Variants in CTIF observed in about 807,000 individuals in gnomAD.
CTIF encodes CBP80/20-dependent translation initiation factor.
CTIF carries 21 observed loss-of-function variants against 66.0 expected under a neutral mutation model. That is an observed-to-expected ratio of 0.32 (90% CI 0.23 to 0.46). CTIF has a LOEUF of 0.46. Among genes scored for constraint, CTIF ranks in the 20% least tolerant of loss-of-function variants. The pLI is 1.00. For synonymous variants in CTIF, 345 were observed against 326.4 expected (o/e 1.06, Z -0.62); for missense variants, 739 against 812.7 (o/e 0.91, Z 1.10).
chr18:48,588,872 T>C (rs2089828586), intron 1 of CTIF, among the ~76,000 whole-genome samples: 1 of 152,190 alleles, frequency 6.6e-6, no homozygotes, highest in Admixed American at 6.5e-5. Context: ...GGTCAGACTT[T>C]TCCCTCTGAT....
intron 6 of CTIF, among the ~76,000 whole-genome samples, chr18:48,694,766 C>A (rs1183879076): frequency 6.6e-6 from 1 of 152,232 alleles, no homozygotes; most frequent in African/African-American, 2.4e-5. Context: ...AATGGTACAA[C>A]CAGTCTCCTT....
chr18:48,800,179 C>A (rs1448160435), intron 9 of CTIF, among the ~76,000 whole-genome samples: 1 of 152,216 alleles, frequency 6.6e-6, no homozygotes, highest in Non-Finnish European at 1.5e-5. Context: ...TTCTTCCCCA[C>A]TCTACCAGTA....
At chr18:48,548,542 G>A (rs1172454999) in intron 1 of CTIF, among the ~76,000 whole-genome samples, 3 of 152,200 alleles carry the variant, frequency 2.0e-5, no homozygotes, top group Non-Finnish European at 4.4e-5. Context: ...CACATATTCA[G>A]CAGATTGGGT....
intron 1 of CTIF, among the ~76,000 whole-genome samples, chr18:48,558,131 C>T (rs2089065593): frequency 6.6e-6 from 1 of 152,024 alleles, no homozygotes; most frequent in Non-Finnish European, 1.5e-5. Flanking sequence ...CTTTCTGTGC[C>T]TTAAGGAATG....
At chr18:48,661,029 G>A (rs769435261) in intron 3 of CTIF, among the ~76,000 whole-genome samples, 11 of 152,206 alleles carry the variant, frequency 7.2e-5, no homozygotes, top group Non-Finnish European at 1.5e-4. Context: ...CAGTAGGGTC[G>A]TGCTTCCTCC....
intron 7 of CTIF, among the ~76,000 whole-genome samples, chr18:48,717,484 C>A (rs1251069189): frequency 6.6e-6 from 1 of 151,892 alleles, no homozygotes; most frequent in Non-Finnish European, 1.5e-5. Context: ...CCTCTGCCAA[C>A]GTGAACCCAG....
At position 48,857,916 on chromosome 18, in the gene CTIF, C is replaced by T. The variant is rs565376414; in HGVS notation, c.1581+275C>T. Among the ~76,000 whole-genome samples the T allele has an allele frequency of 3.9e-5, 6 of 152,316 alleles. No homozygotes were observed. The East Asian group carries it at 9.6e-4, about 24-fold the overall frequency. The stretch of plus-strand genomic sequence containing the variant: ...TTCCCTGTCCCCCAAAGACCCCCTG[C>T]GCCCCAGCTCAGGCATGCCACACAA... On this transcript the variant is annotated intron_variant, in intron 11 of 11. Transcript: ENST00000256413.
At chr18:48,819,964 G>A (rs1002093399) in intron 10 of CTIF, among the ~76,000 whole-genome samples, 3 of 151,946 alleles carry the variant, frequency 2.0e-5, no homozygotes, top group Non-Finnish European at 4.4e-5. Flanking sequence ...TAGGGACAAC[G>A]AGGCCGGAGG....
At chr18:48,742,556 A>G (rs1362740367) in intron 7 of CTIF, among the ~76,000 whole-genome samples, 2 of 152,216 alleles carry the variant, frequency 1.3e-5, no homozygotes, top group South Asian at 2.1e-4. Context: ...CTGACTTATC[A>G]CTGCTGCCAT....
chr18:48,635,940 G>A (rs960849829), intron 2 of CTIF, among the ~76,000 whole-genome samples: 1 of 152,158 alleles, frequency 6.6e-6, no homozygotes, highest in Non-Finnish European at 1.5e-5. Context: ...TGGGGAGCTC[G>A]TCAAAATGCT....
chr18:48,714,293 G>A (rs1000313027), intron 7 of CTIF, among the ~76,000 whole-genome samples: 2 of 152,140 alleles, frequency 1.3e-5, no homozygotes, highest in Non-Finnish European at 2.9e-5. Flanking sequence ...CATTTCCTGG[G>A]CACGCATGGT....
chr18:48,842,941 G>A (rs1471771960), intron 10 of CTIF, among the ~76,000 whole-genome samples: 1 of 152,174 alleles, frequency 6.6e-6, no homozygotes, highest in Non-Finnish European at 1.5e-5. Context: ...GGAGCTGGGG[G>A]CAGGGAGGAG....
At chr18:48,598,011 C>T (rs1275155628) in intron 1 of CTIF, among the ~76,000 whole-genome samples, 1 of 152,206 alleles carries the variant, frequency 6.6e-6, no homozygotes, top group Non-Finnish European at 1.5e-5. Flanking sequence ...TTCCAATGCC[C>T]TTTCAGCCTT....
At chr18:48,723,013 A>G (rs1302133555) in intron 7 of CTIF, among the ~76,000 whole-genome samples, 1 of 152,214 alleles carries the variant, frequency 6.6e-6, no homozygotes, top group East Asian at 1.9e-4. Flanking sequence ...AGTCTTCCCA[A>G]TGACCTTAGG....
intron 1 of CTIF, among the ~76,000 whole-genome samples, chr18:48,579,326 A>G (rs2089602352): frequency 6.6e-6 from 1 of 152,004 alleles, no homozygotes; most frequent in Non-Finnish European, 1.5e-5. Flanking sequence ...TTGTATTTTT[A>G]GTAGAGAAGG....
At chr18:48,775,040 T>C (rs1019101116) in intron 9 of CTIF, among the ~76,000 whole-genome samples, 1 of 152,102 alleles carries the variant, frequency 6.6e-6, no homozygotes, top group Non-Finnish European at 1.5e-5. Flanking sequence ...GAATCAGCCT[T>C]CCCTGCCATA....
At chr18:48,605,770 C>G (rs1429848661) in intron 1 of CTIF, among the ~76,000 whole-genome samples, 1 of 152,152 alleles carries the variant, frequency 6.6e-6, no homozygotes, top group Non-Finnish European at 1.5e-5. Flanking sequence ...TCGGAGGGAG[C>G]CCACAGTCCT....
chr18:48,637,282 C>T (rs1417957316), intron 3 of CTIF, among the ~76,000 whole-genome samples: 1 of 152,172 alleles, frequency 6.6e-6, no homozygotes, highest in East Asian at 1.9e-4. Flanking sequence ...GGTTGCATGG[C>T]TGGGAGGGAA....
intron 10 of CTIF, among the ~76,000 whole-genome samples, chr18:48,840,641 C>T (rs1028765937): frequency 6.6e-6 from 1 of 152,182 alleles, no homozygotes; most frequent in Non-Finnish European, 1.5e-5. Context: ...CCTGTCTGCT[C>T]CTCCAATGGG....
Sources: allele counts gnomAD v4.1 joint callset (sites outside exome capture counted in the v4.1 genomes callset), GRCh38; gene constraint gnomAD v4.1.1; transcripts MANE v1.5; gene names NCBI Gene and HGNC (gene_info 2026-07-23, HGNC 2026-07-21).